OPRM1: variants seen among roughly 807,000 people sequenced by gnomAD.
OPRM1 encodes opioid receptor mu 1.
In OPRM1, 27 loss-of-function variants were observed where a neutral mutation model predicts 31.8. The ratio of observed to expected loss-of-function variants is 0.85; its 90% CI spans 0.63 to 1.17. OPRM1 has a LOEUF of 1.17. OPRM1 is among the 50% of genes most tolerant of loss of function. The pLI is 0.00. For synonymous variants in OPRM1, 196 were observed against 189.9 expected (o/e 1.03, Z -0.26); for missense variants, 536 against 511.1 (o/e 1.05, Z -0.47).
chr6:154,217,667 A>G (rs1373493538), intron 3 of OPRM1, among the ~76,000 whole-genome samples: 1 of 152,206 alleles, frequency 6.6e-6, no homozygotes, highest in Non-Finnish European at 1.5e-5. Flanking sequence ...TTAAAAGTTC[A>G]TTTTTTAAAA....
At chr6:154,245,533 C>T (rs970883749) in intron 3 of OPRM1, among the ~76,000 whole-genome samples, 3 of 152,174 alleles carry the variant, frequency 2.0e-5, no homozygotes, top group Non-Finnish European at 4.4e-5. Context: ...ATTTGGCCCA[C>T]AAACAATATG....
intron 3 of OPRM1, among the ~76,000 whole-genome samples, chr6:154,167,199 T>C (rs775472504): frequency 1.3e-5 from 2 of 152,262 alleles, no homozygotes; most frequent in Non-Finnish European, 2.9e-5. Context: ...AGGAGCATTT[T>C]ACAAAGTATC....
chr6:154,135,540 T>TAGA (rs59156584), downstream of OPRM1, among the ~76,000 whole-genome samples: 1 of 151,282 alleles, frequency 6.6e-6, no homozygotes, highest in East Asian at 1.9e-4. Context: ...GATATAGATA[T>TAGA]TTTGTCAAGC....
chr6:154,098,494 A>G (rs1308859118), intron 3 of OPRM1, among the ~76,000 whole-genome samples: 1 of 152,228 alleles, frequency 6.6e-6, no homozygotes, highest in East Asian at 1.9e-4. Context: ...TTTGGATGCT[A>G]AATATGAAAA....
At chr6:154,093,181 C>A in intron 3 of OPRM1, 1 of 1,155,982 alleles carries the variant, frequency 8.7e-7, no homozygotes, top group Non-Finnish European at 1.2e-6. Context: ...TAGTCCTCAG[C>A]TAAGGATAAA....
At position 154,223,011 on chromosome 6, in the gene OPRM1, G is replaced by A. The variant is rs891604008; in HGVS notation, c.1165-23682G>A. 2.1e-5 allele frequency: 13 copies of A among 633,818 alleles called. No individual in the cohort carries two copies. The African/African-American group carries it at 2.4e-4, about 12-fold the overall frequency. The allele number at this position is 633,818 out of a possible 1,614,324, so 39.3% of individuals were successfully genotyped here. ...AATTCCAGAAAATGAGAGGTTAAAT[G>A]CTTCTATTTCTATGTAGGGTGCCAA... is the stretch of plus-strand genomic sequence containing the variant. On this transcript the variant is annotated intron_variant, in intron 3 of 3. Transcript: ENST00000337049.
At chr6:154,094,236 C>T (rs1792950038) in intron 3 of OPRM1, 2 of 1,287,208 alleles carry the variant, frequency 1.6e-6, no homozygotes, top group African/African-American at 1.5e-5. Flanking sequence ...CAAACCTTCC[C>T]AGGGTGTCTG....
downstream of OPRM1, among the ~76,000 whole-genome samples, chr6:154,136,659 C>G (rs1465097767): frequency 6.6e-6 from 1 of 152,136 alleles, no homozygotes; most frequent in Non-Finnish European, 1.5e-5. Context: ...GTGCCCAAGA[C>G]AGTGTCTGAA....
At chr6:154,178,304 AT>A in intron 3 of OPRM1, among the ~76,000 whole-genome samples, 1 of 152,302 alleles carries the variant, frequency 6.6e-6, no homozygotes, top group Middle Eastern at 3.4e-3. Context: ...AAAAAATTAT[AT>A]TAAAATTACA....
At chr6:154,107,479 G>A (rs1795753450) in intron 3 of OPRM1, 1 of 718,364 alleles carries the variant, frequency 1.4e-6, no homozygotes, top group Non-Finnish European at 2.6e-6. Context: ...AATTGAACCT[G>A]GACTGTCACT....
At chr6:154,081,681 T>C (rs1789186213) in intron 1 of OPRM1, among the ~76,000 whole-genome samples, 1 of 152,218 alleles carries the variant, frequency 6.6e-6, no homozygotes, top group Non-Finnish European at 1.5e-5. Context: ...AAGCTTTGCA[T>C]GCCTACTTCG....
At chr6:154,113,709 CAGG>C (rs1562485047) in intron 3 of OPRM1, among the ~76,000 whole-genome samples, 1 of 152,164 alleles carries the variant, frequency 6.6e-6, no homozygotes. Flanking sequence ...AGCAGGCCAA[CAGG>C]AGATTTTCTG....
At chr6:154,019,747 C>CTTTTCTT (rs61209522) in intron 1 of OPRM1, among the ~76,000 whole-genome samples, 1,254 of 121,952 alleles carry the variant, frequency 0.01, 41 homozygotes, top group African/African-American at 0.041. Context: ...CTTTTCTTTT[C>CTTTTCTT]TTTTTTTTTT....
intron 3 of OPRM1, chr6:154,158,463 A>G (rs1034530819): frequency 1.2e-4 from 19 of 152,252 alleles, no homozygotes; most frequent in African/African-American, 4.3e-4. Flanking sequence ...GCAGGCATAA[A>G]TGGCACAAAG....
At chr6:154,087,484 G>T (rs1275483216) in intron 1 of OPRM1, 2 of 985,346 alleles carry the variant, frequency 2.0e-6, no homozygotes, top group South Asian at 4.7e-5. Context: ...TCAGGTGTGG[G>T]GTTCTCTCTC....
intron 3 of OPRM1, among the ~76,000 whole-genome samples, chr6:154,140,004 T>G (rs1194548841): frequency 1.3e-5 from 2 of 152,154 alleles, no homozygotes; most frequent in African/African-American, 4.8e-5. Flanking sequence ...GAAGCAACCA[T>G]CCCATCTCCA....
chr6:154,196,112 C>T (rs1408310209), intron 3 of OPRM1, among the ~76,000 whole-genome samples: 1 of 152,096 alleles, frequency 6.6e-6, no homozygotes, highest in East Asian at 1.9e-4. Context: ...ATTTTATTCA[C>T]TTTAGCACAA....
chr6:154,022,284 C>T (rs1778421610), intron 1 of OPRM1, among the ~76,000 whole-genome samples: 1 of 152,002 alleles, frequency 6.6e-6, no homozygotes, highest in African/African-American at 2.4e-5. Flanking sequence ...AGTCTGCTGC[C>T]ACAGCCCAAG....
At chr6:154,014,132 A>T (rs1215801377) in intron 1 of OPRM1, among the ~76,000 whole-genome samples, 1 of 152,170 alleles carries the variant, frequency 6.6e-6, no homozygotes. Context: ...AAGACACCTT[A>T]AGGAGGTAAA....
Sources: gnomAD v4.1 joint callset for allele counts (sites outside exome capture counted in the v4.1 genomes callset) on GRCh38, gnomAD v4.1.1 for gene constraint, MANE v1.5 for transcripts, NCBI Gene and HGNC (gene_info 2026-07-23, HGNC 2026-07-21) for gene names.